Variants in RYR2 observed in about 807,000 individuals in gnomAD.
RYR2 encodes the protein ryanodine receptor 2, also known as cardiac muscle ryanodine receptor-calcium release channel.
A neutral mutation model predicts 601.1 loss-of-function variants in RYR2; 227 were observed. The observed-to-expected ratio is 0.38, with a 90% confidence interval of 0.34 to 0.42. The LOEUF is 0.42. Ranked by LOEUF, RYR2 falls within the 10% of genes least tolerant of loss-of-function variation. The pLI is 1.00. For missense variants in RYR2, 4,646 were observed against 6,156.5 expected, an observed-to-expected ratio of 0.75 and a Z score of 8.21; for synonymous variants, 2,223 against 2,175.1, an observed-to-expected ratio of 1.02 and a Z score of -0.61.
intron 29 of RYR2, among the ~76,000 whole-genome samples, chr1:237,572,938 G>A (rs910692123): frequency 3.5e-4 from 53 of 152,080 alleles, no homozygotes; most frequent in African/African-American, 1.2e-3. Context: ...CTAGCATTGA[G>A]GTAGCTAGAG....
intron 24 of RYR2, among the ~76,000 whole-genome samples, chr1:237,527,701 G>T (rs1667731383): frequency 6.6e-6 from 1 of 152,140 alleles, no homozygotes; most frequent in Admixed American, 6.5e-5. Context: ...TCTTAAAGAT[G>T]CTTCTAAAAC....
At chr1:237,230,821 C>A (rs1431787481) in intron 1 of RYR2, among the ~76,000 whole-genome samples, 1 of 151,202 alleles carries the variant, frequency 6.6e-6, no homozygotes, top group Non-Finnish European at 1.5e-5. Context: ...CCCAGCTACT[C>A]AGGAAGCTAA....
intron 3 of RYR2, among the ~76,000 whole-genome samples, chr1:237,345,489 A>AAT (rs1558658275): frequency 1.3e-5 from 2 of 151,160 alleles, no homozygotes; most frequent in Admixed American, 6.6e-5. Flanking sequence ...AATAAAAAAA[A>AAT]ATATATATAT....
At chr1:237,358,350 G>A (rs1310275343) in intron 4 of RYR2, among the ~76,000 whole-genome samples, 2 of 152,026 alleles carry the variant, frequency 1.3e-5, no homozygotes, top group Non-Finnish European at 2.9e-5. Context: ...TTGCCCCGCC[G>A]GGTTCCTCAC....
At chr1:237,069,698 T>A (rs1469796440) in intron 1 of RYR2, among the ~76,000 whole-genome samples, 2 of 152,198 alleles carry the variant, frequency 1.3e-5, no homozygotes, top group African/African-American at 4.8e-5. Context: ...AAGTCCATTT[T>A]TAAAAAATGG....
chr1:237,790,328 G>A (rs981163673), intron 92 of RYR2, among the ~76,000 whole-genome samples: 10 of 151,602 alleles, frequency 6.6e-5, no homozygotes, highest in African/African-American at 2.4e-4. Context: ...CAAATACATC[G>A]AGTCTGCCCA....
At chr1:237,541,787 T>C (rs762071667) in intron 25 of RYR2, among the ~76,000 whole-genome samples, 16 of 152,044 alleles carry the variant, frequency 1.1e-4, no homozygotes, top group Admixed American at 2.6e-4. Flanking sequence ...TCACAAGGTG[T>C]TCAGTGGGGG....
intron 73 of RYR2, among the ~76,000 whole-genome samples, chr1:237,719,929 T>G (rs1573660670): frequency 1.3e-5 from 2 of 152,348 alleles, no homozygotes; most frequent in South Asian, 4.1e-4. Context: ...CAATAGGCTA[T>G]ATCGAGATTT....
intron 2 of RYR2, among the ~76,000 whole-genome samples, chr1:237,308,906 A>T (rs1694214049): frequency 6.6e-6 from 1 of 152,206 alleles, no homozygotes; most frequent in African/African-American, 2.4e-5. Context: ...TAGAGAGCTG[A>T]TTGGTCCATT....
intron 12 of RYR2, among the ~76,000 whole-genome samples, chr1:237,429,457 A>T (rs1706567015): frequency 1.3e-5 from 2 of 152,100 alleles, no homozygotes; most frequent in African/African-American, 4.8e-5. Context: ...AAGGACTGCC[A>T]TGGGAGCCTG....
rs946684236 is a variant in RYR2, at chr1:237,639,863, G to A, written c.7115+662G>A. On this transcript the variant is annotated intron_variant, in intron 46 of 104. Coordinates refer to ENST00000366574, the MANE Select transcript of RYR2 (RefSeq NM_001035.3). ...TAAAGATGTAACATAGGGCTTTATTGAGGCACATTTCTAAAGAAAAAAAAG... is the reference window on the plus strand; with the variant it reads ...TAAAGATGTAACATAGGGCTTTATTAAGGCACATTTCTAAAGAAAAAAAAG... Among the ~76,000 whole-genome samples the A allele has an allele frequency of 5.9e-5, 9 of 152,192 alleles. 1 individual carries two copies. The highest frequency in any genetic ancestry group is 8.8e-5 in the Non-Finnish European group (6 of 68,018).
chr1:237,359,047 T>G (rs959455988), intron 4 of RYR2, among the ~76,000 whole-genome samples: 9 of 152,096 alleles, frequency 5.9e-5, no homozygotes, highest in African/African-American at 2.2e-4. Context: ...CAGGTGCTCC[T>G]CCAGTTAGGG....
chr1:237,747,588 G>T (rs1692190705), intron 80 of RYR2, among the ~76,000 whole-genome samples: 1 of 152,166 alleles, frequency 6.6e-6, no homozygotes, highest in South Asian at 2.1e-4. Context: ...ACCCGCCCAT[G>T]AATCTAACTT....
intron 100 of RYR2, among the ~76,000 whole-genome samples, chr1:237,818,377 A>G (rs2794835): frequency 0.67 from 102,486 of 152,000 alleles, 35,499 homozygotes; most frequent in East Asian, 0.94. Flanking sequence ...CTGGTGCTGA[A>G]GCCAAGAACA....
chr1:237,377,848 C>T (rs1299713444), intron 8 of RYR2, among the ~76,000 whole-genome samples: 1 of 152,134 alleles, frequency 6.6e-6, no homozygotes, highest in African/African-American at 2.4e-5. Context: ...GTGAGGAACA[C>T]ATGCCATGTT....
In RYR2 at chr1:237,422,452, C is replaced by A. The variant is rs191076603; in HGVS notation, c.849-640C>A. ...AACATTCTATATTTTCTGTTTATTA[C>A]ATTTTTTCCTGACTTTTTTAGAATT... is the stretch of plus-strand genomic sequence containing the variant. On this transcript the variant is annotated intron_variant, in intron 11 of 104. Transcript: ENST00000366574. Among the ~76,000 whole-genome samples, 368 of 152,182 alleles carry A rather than the reference C, an allele frequency of 2.4e-3. 4 individuals carry two copies. The highest frequency in any genetic ancestry group is 8.5e-3 in the African/African-American group (351 of 41,534).
chr1:237,116,881 C>T (rs932973245), intron 1 of RYR2, among the ~76,000 whole-genome samples: 1 of 152,172 alleles, frequency 6.6e-6, no homozygotes, highest in Non-Finnish European at 1.5e-5. Flanking sequence ...TTAGGTAGGG[C>T]AGTCTCCTTT....
intron 1 of RYR2, among the ~76,000 whole-genome samples, chr1:237,257,671 C>G (rs1279006810): frequency 6.6e-6 from 1 of 152,042 alleles, no homozygotes; most frequent in Non-Finnish European, 1.5e-5. Context: ...TTCCAGAAGA[C>G]AGTGAGCAAG....
chr1:237,202,862 G>C (rs939620271), intron 1 of RYR2, among the ~76,000 whole-genome samples: 1 of 152,112 alleles, frequency 6.6e-6, no homozygotes, highest in Non-Finnish European at 1.5e-5. Flanking sequence ...TGGAAAGGAG[G>C]GAAAGGACAA....
Sources: allele counts gnomAD v4.1 joint callset (sites outside exome capture counted in the v4.1 genomes callset), GRCh38; gene constraint gnomAD v4.1.1; transcripts MANE v1.5; gene names NCBI Gene and HGNC (gene_info 2026-07-23, HGNC 2026-07-21).